LHCGR: variants seen among roughly 807,000 people sequenced by gnomAD.
LHCGR encodes the protein lutropin-choriogonadotropic hormone receptor.
Under a neutral mutation model 60.7 loss-of-function variants are expected in LHCGR, and 55 were observed. The observed-to-expected ratio is 0.91, with a 90% confidence interval of 0.73 to 1.13. The LOEUF is 1.13. Ranked by LOEUF, LHCGR falls within the 50% of genes most tolerant of loss-of-function variation. The pLI is 0.00. For synonymous variants in LHCGR, 337 were observed against 316.5 expected (o/e 1.06, Z -0.69); for missense variants, 862 against 836.0 (o/e 1.03, Z -0.38).
intron 3 of LHCGR, 127 bp from the exon 4 acceptor site, chr2:48,725,877 T>G: frequency 1.3e-6 from 1 of 756,880 alleles, no homozygotes; most frequent in Non-Finnish European, 2.3e-6. Context: ...GACCTTCATA[T>G]GCTTGGGAGG....
In LHCGR at chr2:48,688,009, T is replaced by A. The variant is rs200211502; in HGVS notation, c.1788A>T (p.Val596=). The A allele has an allele frequency of 9.0e-5, 146 of 1,614,000 alleles. 3 individuals carry two copies. The South Asian group carries it at 1.5e-3, about 17-fold the overall frequency. ...SFFAISAAFK[V]PLITVTNSKV... is the part of the protein sequence containing the mutation. ...TAGAGTTGGTTACTGTGATAAGAGG[T>A]ACTTTGAAGGCAGCTGAGATGGCAA... Residue 596 remains valine (V), a synonymous_variant, in exon 11 of 11, where the codon GTA becomes GTT. Coordinates refer to ENST00000294954, the MANE Select transcript of LHCGR (RefSeq NM_000233.4). The surrounding 1 kb of genome is among the most constrained non-coding windows in gnomAD (Gnocchi z 5.2).
intron 6 of LHCGR, among the ~76,000 whole-genome samples, chr2:48,715,989 C>T (rs1225965241): frequency 2.6e-5 from 4 of 152,134 alleles, no homozygotes; most frequent in African/African-American, 7.2e-5. Context: ...GGGGAGGCTT[C>T]CATGGTTTCC....
chr2:48,692,515 G>A (rs1463057250), intron 10 of LHCGR, among the ~76,000 whole-genome samples: 1 of 152,170 alleles, frequency 6.6e-6, no homozygotes, highest in African/African-American at 2.4e-5. Flanking sequence ...GCTCCTGAGG[G>A]CAGCATCATG....
chr2:48,729,053 G>A (rs1668868644), intron 3 of LHCGR, 100 bp downstream of exon 3: 2 of 955,376 alleles, frequency 2.1e-6, no homozygotes, highest in Non-Finnish European at 3.4e-6. Context: ...TTTTCCTTTT[G>A]GATTCCTAGC....
chr2:48,733,619 A>C (rs999401257), intron 1 of LHCGR, among the ~76,000 whole-genome samples: 50 of 152,180 alleles, frequency 3.3e-4, no homozygotes, highest in Non-Finnish European at 7.1e-4. Context: ...GGCTGGGTCA[A>C]GAAAGAGTCC....
At position 48,754,654 on chromosome 2, in the gene LHCGR, G is replaced by T. The variant is rs528682732; in HGVS notation, c.161+857C>A. Among the ~76,000 whole-genome samples, 69 of 148,940 alleles carry T rather than the reference G, an allele frequency of 4.6e-4. No homozygotes were observed. In the Middle Eastern group the frequency reaches 0.01, roughly 22 times the overall value. On this transcript the variant is annotated intron_variant, in intron 1 of 10. Transcript: ENST00000294954. ...TAGTCACCTACTGTCCCTCCCATCC[G>T]CTTCCCCAGCCCTGGTAACTACTAA...
chr2:48,750,627 C>T (rs548616681), intron 1 of LHCGR, among the ~76,000 whole-genome samples: 1 of 152,192 alleles, frequency 6.6e-6, no homozygotes, highest in African/African-American at 2.4e-5. Context: ...CTGATGTAGA[C>T]ATGCTTCTTT....
chr2:48,695,357 A>T (rs1667063124), intron 9 of LHCGR, among the ~76,000 whole-genome samples: 1 of 152,170 alleles, frequency 6.6e-6, no homozygotes, highest in Non-Finnish European at 1.5e-5. Context: ...CTTAGCTAAA[A>T]ATTCTTTGCC....
At chr2:48,735,537 C>T (rs1437001985) in intron 1 of LHCGR, among the ~76,000 whole-genome samples, 1 of 152,208 alleles carries the variant, frequency 6.6e-6, no homozygotes, top group African/African-American at 2.4e-5. Flanking sequence ...CCTTAGGGAA[C>T]ACTGCTGCCC....
intron 7 of LHCGR, among the ~76,000 whole-genome samples, chr2:48,710,662 C>G (rs964988016): frequency 2.0e-5 from 3 of 152,192 alleles, no homozygotes; most frequent in Admixed American, 1.3e-4. Context: ...GTTTTCCCAG[C>G]TTGGGTGCTC....
intron 1 of LHCGR, among the ~76,000 whole-genome samples, chr2:48,740,675 A>T (rs1669408124): frequency 1.3e-5 from 2 of 152,054 alleles, no homozygotes; most frequent in Non-Finnish European, 2.9e-5. Flanking sequence ...GGACATCCAC[A>T]CCAAAAACCC....
intron 1 of LHCGR, among the ~76,000 whole-genome samples, chr2:48,744,269 C>T (rs1247865530): frequency 2.2e-5 from 1 of 45,898 alleles, no homozygotes; most frequent in South Asian, 7.0e-4. Context: ...GCCATACTGC[C>T]CAAGGTAATT....
Position 48,698,703 on chromosome 2 carries a change from G to A in LHCGR, c.778C>T (p.Pro260Ser), listed in dbSNP as rs370683405. 1.6e-5 allele frequency: 26 copies of A among 1,614,058 alleles called. No homozygotes were observed. Among genetic ancestry groups the A allele is most frequent in the Admixed American group, 1.3e-4 (8 of 60,014 alleles). The change falls in exon 9 of 11, where the codon CCA becomes TCA. Residue 260 changes from proline (P) to serine (S), a missense_variant. Pro to Ser is a moderately conservative substitution (Grantham distance 74). Coordinates refer to ENST00000294954, the MANE Select transcript of LHCGR (RefSeq NM_000233.4). ...ATSSYSLKKL[P>S]SRETFVNLLE... is the part of the protein sequence containing the mutation. Reference sequence around the variant, plus strand: ...AGATTGACAAATGTTTCTCTTGATGGCAATTTTTTTAGAGAATAGGATGAC... The same window carrying A: ...AGATTGACAAATGTTTCTCTTGATGACAATTTTTTTAGAGAATAGGATGAC...
At chr2:48,704,837 C>G (rs1463846595) in intron 8 of LHCGR, among the ~76,000 whole-genome samples, 1 of 152,118 alleles carries the variant, frequency 6.6e-6, no homozygotes, top group Non-Finnish European at 1.5e-5. Context: ...ATTCAAAAAA[C>G]CAGCTCCTGG....
At chr2:48,711,075 C>T (rs1667965591) in intron 7 of LHCGR, among the ~76,000 whole-genome samples, 1 of 152,154 alleles carries the variant, frequency 6.6e-6, no homozygotes, top group Admixed American at 6.5e-5. Flanking sequence ...GTTCCTTTTC[C>T]AGCTCAGGAC....
At chr2:48,694,534 G>A (rs1667023382) in intron 9 of LHCGR, among the ~76,000 whole-genome samples, 1 of 152,148 alleles carries the variant, frequency 6.6e-6, no homozygotes, top group South Asian at 2.1e-4. Context: ...TAAGCATTTT[G>A]TGTGGGCACT....
At chr2:48,745,300 G>A (rs1463453943) in intron 1 of LHCGR, among the ~76,000 whole-genome samples, 1 of 152,210 alleles carries the variant, frequency 6.6e-6, no homozygotes, top group Non-Finnish European at 1.5e-5. Flanking sequence ...ATTCCTCAGG[G>A]ATCTAGAATT....
At chr2:48,708,490 G>A (rs1306226603) in intron 8 of LHCGR, among the ~76,000 whole-genome samples, 3 of 152,060 alleles carry the variant, frequency 2.0e-5, no homozygotes, top group Non-Finnish European at 1.5e-5. Flanking sequence ...TATTAGGGTG[G>A]GCTCTAATCC....
At chr2:48,715,284 C>G (rs1034765979) in intron 6 of LHCGR, among the ~76,000 whole-genome samples, 1 of 152,142 alleles carries the variant, frequency 6.6e-6, no homozygotes, top group Non-Finnish European at 1.5e-5. Context: ...GGGAGTATTA[C>G]AGTAAATATA....
Sources: allele counts gnomAD v4.1 joint callset (sites outside exome capture counted in the v4.1 genomes callset), GRCh38; gene constraint gnomAD v4.1.1; non-coding constraint Gnocchi (gnomAD v3.1); transcripts MANE v1.5; gene names NCBI Gene and HGNC (gene_info 2026-07-23, HGNC 2026-07-21).